IL1RAPL1: variants seen among roughly 807,000 people sequenced by gnomAD.
IL1RAPL1 encodes the protein interleukin-1 receptor accessory protein-like 1.
In IL1RAPL1, 3 loss-of-function variants were observed where a neutral mutation model predicts 48.4. The observed-to-expected ratio is 0.06, with a 90% CI of 0.03 to 0.16. The LOEUF (loss-of-function observed/expected upper bound fraction) is 0.16, where lower values mean the gene tolerates loss of function less well. Among genes scored for constraint, IL1RAPL1 ranks in the 10% least tolerant of loss-of-function variants. The pLI, the probability that IL1RAPL1 is intolerant of heterozygous loss-of-function variation, is 1.00. For synonymous variants in IL1RAPL1, 185 were observed against 187.7 expected (o/e 0.99, Z 0.12); for missense variants, 349 against 530.6 (o/e 0.66, Z 3.36).
At chrX:29,373,179 A>G (rs187290622) in intron 3 of IL1RAPL1, among the ~76,000 whole-genome samples, 1 of 110,656 alleles carries the variant, frequency 9.0e-6, no homozygotes, top group East Asian at 2.8e-4. Flanking sequence ...TTTTGTTACT[A>G]CTGTAAATGG....
chrX:28,652,139 T>C (rs1366089821), intron 1 of IL1RAPL1, among the ~76,000 whole-genome samples: 2 of 111,503 alleles, frequency 1.8e-5, no homozygotes, highest in African/African-American at 6.5e-5. Flanking sequence ...ATTCCAGCCC[T>C]GAGTCTTAAA....
At chrX:29,348,104 G>T (rs772981610) in intron 3 of IL1RAPL1, among the ~76,000 whole-genome samples, 2 of 112,570 alleles carry the variant, frequency 1.8e-5, no homozygotes, top group African/African-American at 6.4e-5. Flanking sequence ...AAAACTGCAC[G>T]TAAGGGGGAC....
At chrX:29,479,710 T>C (rs1410968754) in intron 5 of IL1RAPL1, among the ~76,000 whole-genome samples, 1 of 109,809 alleles carries the variant, frequency 9.1e-6, no homozygotes, top group Non-Finnish European at 1.9e-5. Flanking sequence ...ATTATATCAC[T>C]CTGTGTGTCT....
At chrX:29,950,670 CTTT>C (rs749918523) in intron 9 of IL1RAPL1, among the ~76,000 whole-genome samples, 10 of 96,584 alleles carry the variant, frequency 1.0e-4, no homozygotes, top group Admixed American at 6.7e-4. Context: ...ATCCTAAGGC[CTTT>C]TTTTTTTTTT....
At chrX:29,629,836 G>A (rs1025285823) in intron 5 of IL1RAPL1, among the ~76,000 whole-genome samples, 1 of 111,777 alleles carries the variant, frequency 8.9e-6, no homozygotes, top group African/African-American at 3.3e-5. Flanking sequence ...TTCCTAGCTT[G>A]GGTGGCCATC....
intron 5 of IL1RAPL1, among the ~76,000 whole-genome samples, chrX:29,501,681 T>C (rs899986693): frequency 9.0e-6 from 1 of 111,483 alleles, no homozygotes; most frequent in Non-Finnish European, 1.9e-5. Flanking sequence ...GTGTCTATCT[T>C]TATGTCAGCA....
chrX:29,776,244 A>G (rs1470058868), intron 6 of IL1RAPL1, among the ~76,000 whole-genome samples: 1 of 111,240 alleles, frequency 9.0e-6, no homozygotes, highest in Non-Finnish European at 1.9e-5. Flanking sequence ...TTCTTGCCAC[A>G]TGCACCTCCT....
intron 1 of IL1RAPL1, among the ~76,000 whole-genome samples, chrX:28,708,047 G>C: frequency 9.0e-6 from 1 of 111,504 alleles, no homozygotes; most frequent in Admixed American, 9.6e-5. Context: ...TGTTCAGAGA[G>C]CCCATTGACC....
At chrX:29,879,556 A>G (rs1931984431) in intron 6 of IL1RAPL1, among the ~76,000 whole-genome samples, 1 of 110,003 alleles carries the variant, frequency 9.1e-6, no homozygotes. Context: ...TTATAAATCT[A>G]TAAGCATAGA....
chrX:29,789,780 CTTTT>C (rs143889631), intron 6 of IL1RAPL1, among the ~76,000 whole-genome samples: 849 of 81,844 alleles, frequency 0.01, 8 homozygotes, highest in African/African-American at 0.036. Context: ...TCATGAGTTT[CTTTT>C]TTTTTTTTTT....
chrX:28,880,761 T>C (rs1219025590), intron 2 of IL1RAPL1, among the ~76,000 whole-genome samples: 1 of 111,568 alleles, frequency 9.0e-6, no homozygotes, highest in Non-Finnish European at 1.9e-5. Context: ...AGTCTATCAT[T>C]GCCTTTCAGC....
In IL1RAPL1 at chrX:29,766,107, G is replaced by A. The variant is rs775467306; in HGVS notation, c.778+97603G>A. Among the ~76,000 whole-genome samples, 7 of 107,981 alleles carry A rather than the reference G, an allele frequency of 6.5e-5. No homozygotes were observed. The East Asian group carries it at 2.0e-3, about 31-fold the overall frequency. The allele number at this position is 107,981 out of a possible 115,157, so 93.8% of individuals were successfully genotyped here. On this transcript the variant is annotated intron_variant, in intron 6 of 10. Coordinates refer to ENST00000378993, the MANE Select transcript of IL1RAPL1 (RefSeq NM_014271.4). ...GCACTTTGGGAGGCCGAGGTGGACG[G>A]ATCATGGGGTCAAGAGATTGAGACC... is the stretch of plus-strand genomic sequence containing the variant.
At chrX:29,884,251 T>C (rs1315172673) in intron 6 of IL1RAPL1, among the ~76,000 whole-genome samples, 1 of 111,872 alleles carries the variant, frequency 8.9e-6, no homozygotes, top group Non-Finnish European at 1.9e-5. Flanking sequence ...ATGTATAACA[T>C]GTATCATGTA....
chrX:29,915,617 A>G (rs765143431), intron 6 of IL1RAPL1, among the ~76,000 whole-genome samples: 6 of 109,317 alleles, frequency 5.5e-5, no homozygotes, highest in Admixed American at 4.9e-4. Flanking sequence ...AATACGTACT[A>G]TCAACTCATA....
At chrX:28,633,449 A>G (rs1934423608) in intron 1 of IL1RAPL1, among the ~76,000 whole-genome samples, 1 of 111,795 alleles carries the variant, frequency 8.9e-6, no homozygotes, top group Non-Finnish European at 1.9e-5. Context: ...TTGTGCTAAT[A>G]ATAGTAAATA....
intron 3 of IL1RAPL1, among the ~76,000 whole-genome samples, chrX:29,350,191 T>TTTTATATATATATATATATATATATATA (rs1933204748): frequency 2.5e-5 from 1 of 39,432 alleles, no homozygotes; most frequent in African/African-American, 1.7e-4. Context: ...TACTGTTATT[T>TTTTATATATATATATATATATATATATA]TATATATATA....
intron 2 of IL1RAPL1, among the ~76,000 whole-genome samples, chrX:28,796,977 ATTC>A (rs963212640): frequency 6.2e-5 from 7 of 112,312 alleles, no homozygotes; most frequent in African/African-American, 2.3e-4. Flanking sequence ...CCAAACTTCA[ATTC>A]TTGACTTCCG....
chrX:29,829,155 TACACACACACACACACACAC>T (rs57560936), intron 6 of IL1RAPL1, among the ~76,000 whole-genome samples: 1,687 of 61,872 alleles, frequency 0.027, 53 homozygotes, highest in African/African-American at 0.094. Context: ...GACAAAAACC[TACACACACACACACACACAC>T]ACACACACAC....
intron 2 of IL1RAPL1, among the ~76,000 whole-genome samples, chrX:29,121,767 C>T (rs188342236): frequency 0.014 from 1,599 of 111,818 alleles, 36 homozygotes; most frequent in African/African-American, 0.049. Context: ...TGCAAAGTCC[C>T]TTTTACCATG....
Sources: gnomAD v4.1 joint callset for allele counts (sites outside exome capture counted in the v4.1 genomes callset) on GRCh38, gnomAD v4.1.1 for gene constraint, MANE v1.5 for transcripts, NCBI Gene and HGNC (gene_info 2026-07-23, HGNC 2026-07-21) for gene names.